DISP1: variants seen among roughly 807,000 people sequenced by gnomAD.
The protein encoded by DISP1 is protein dispatched homolog 1.
In DISP1, 30 loss-of-function variants were observed where a neutral mutation model predicts 37.3. The ratio of observed to expected loss-of-function variants is 0.80; its 90% confidence interval spans 0.60 to 1.09. The LOEUF (loss-of-function observed/expected upper bound fraction) is 1.09, where lower values mean the gene tolerates loss of function less well. DISP1 is among the 50% of genes least tolerant of loss of function. The pLI is 0.00. For missense variants in DISP1, 1,598 were observed against 1,879.5 expected (o/e 0.85, Z 2.77); for synonymous variants, 634 against 690.2 (o/e 0.92, Z 1.28).
At position 223,005,288 on chromosome 1, in the gene DISP1, G is replaced by C; in HGVS notation, c.3891G>C (p.Gln1297His). ...AGATGGGGGACTGCTTGTGCCACCA[G>C]TGCTCTCCTACCACTAGCAGCTTTG... Reference protein sequence around the residue: ...CQQMGDCLCHQCSPTTSSFVQ... With the variant: ...CQQMGDCLCHHCSPTTSSFVQ... The change falls in exon 9 of 9, where the codon CAG (glutamine) becomes CAC (histidine). Residue 1297 changes from glutamine to histidine, a missense_variant. By Grantham distance (24) the Gln-to-His change is conservative. Transcript: ENST00000675850. 1 of 1,613,768 alleles carries C rather than the reference G, an allele frequency of 6.2e-7. No individual in the cohort carries two copies. Among genetic ancestry groups the C allele is most frequent in the Non-Finnish European group, 8.5e-7 (1 of 1,180,030 alleles).
intron 1 of DISP1, among the ~76,000 whole-genome samples, chr1:222,887,795 G>T (rs1181639227): frequency 8.9e-6 from 1 of 111,790 alleles, no homozygotes; most frequent in South Asian, 2.9e-4. Flanking sequence ...ACCGCGCCCG[G>T]CCTGTTTTTG....
At position 223,005,150 on chromosome 1, in the gene DISP1, G is replaced by A; in HGVS notation, c.3753G>A (p.Leu1251=). 2 of 1,614,186 alleles carry A rather than the reference G, an allele frequency of 1.2e-6. No individual in the cohort carries two copies. Among genetic ancestry groups the A allele is most frequent in the Middle Eastern group, 1.6e-4 (1 of 6,062 alleles). The change falls in exon 9 of 9, where the codon TTG becomes TTA. Residue 1251 remains leucine, a synonymous_variant. Transcript: ENST00000675850. ...KSTESDAGSA[L]LQPPLEQHTV... is the part of the protein sequence containing the mutation. ...CTGAAAGTGACGCTGGCTCTGCCTT[G>A]TTACAGCCCCCTCTTGAACAGCATA...
chr1:222,912,184 GA>G (rs1201351575), intron 1 of DISP1, among the ~76,000 whole-genome samples: 1 of 150,590 alleles, frequency 6.6e-6, no homozygotes, highest in South Asian at 2.1e-4. Flanking sequence ...GAGGTTATAA[GA>G]AAAAAAAATA....
In DISP1 at chr1:222,904,979, G is replaced by A. The variant is rs370184719; in HGVS notation, c.-158-23451G>A. 4.7e-4 allele frequency among the ~76,000 whole-genome samples: 72 copies of A among 152,266 alleles called. 3 individuals carry two copies. In the South Asian group the frequency reaches 0.014, roughly 30 times the overall value. On this transcript the variant is annotated intron_variant, in intron 1 of 8. Coordinates refer to ENST00000675850, the MANE Select transcript of DISP1 (RefSeq NM_001377229.1). ...TAAAAACTACTCATGCTGCAAATATGCATGCTGGTAAATACAAATCGGATC... is the reference window on the plus strand; with the variant it reads ...TAAAAACTACTCATGCTGCAAATATACATGCTGGTAAATACAAATCGGATC...
intron 1 of DISP1, among the ~76,000 whole-genome samples, chr1:222,908,037 A>T (rs530154368): frequency 1.1e-3 from 175 of 152,328 alleles, no homozygotes; most frequent in African/African-American, 3.8e-3. Context: ...GAGTTTTTTT[A>T]AAAAATAGAG....
chr1:222,962,995 C>A (rs541277066), intron 3 of DISP1, among the ~76,000 whole-genome samples: 1 of 152,240 alleles, frequency 6.6e-6, no homozygotes, highest in African/African-American at 2.4e-5. Flanking sequence ...AACAGGCAAC[C>A]TACAGAATGG....
At chr1:222,917,857 G>A (rs1481621381) in intron 1 of DISP1, among the ~76,000 whole-genome samples, 1 of 151,938 alleles carries the variant, frequency 6.6e-6, no homozygotes, top group African/African-American at 2.4e-5. Flanking sequence ...GCTCTACAAT[G>A]TTGGTTCAAG....
chr1:222,870,566 T>C (rs1432086720), intron 1 of DISP1, among the ~76,000 whole-genome samples: 3 of 152,210 alleles, frequency 2.0e-5, no homozygotes, highest in African/African-American at 4.8e-5. Context: ...TTTCATGTGT[T>C]TTTTGGCTGC....
At chr1:222,851,290 TC>T (rs934144210) in intron 1 of DISP1, among the ~76,000 whole-genome samples, 2 of 152,124 alleles carry the variant, frequency 1.3e-5, no homozygotes, top group Non-Finnish European at 2.9e-5. Flanking sequence ...GGTCTTGAAC[TC>T]CTGAACTCAA....
chr1:222,849,545 G>A (rs891530328), intron 1 of DISP1, among the ~76,000 whole-genome samples: 4 of 152,056 alleles, frequency 2.6e-5, no homozygotes, highest in Non-Finnish European at 5.9e-5. Flanking sequence ...AAACAGTATT[G>A]TAAAAAATAA....
chr1:222,983,031 T>A lies in DISP1; in HGVS notation c.510-49T>A, dbSNP rs1314693259. The A allele has an allele frequency of 2.1e-6, 3 of 1,429,390 alleles. No homozygotes were observed. In the Admixed American group the frequency reaches 5.5e-5, roughly 26 times the overall value. 88.5% of individuals were successfully genotyped at this position (1,429,390 alleles called of 1,614,324 possible). ...AAGCCTTTGTTTATGTTATGATGTT[T>A]ATGATGCTCTGTTTTTGATCATTTT... On this transcript the variant is annotated intron_variant, in intron 3 of 8. Coordinates refer to ENST00000675850, the MANE Select transcript of DISP1 (RefSeq NM_001377229.1).
intron 1 of DISP1, among the ~76,000 whole-genome samples, chr1:222,861,928 A>C (rs1210021462): frequency 1.4e-5 from 2 of 144,710 alleles, no homozygotes; most frequent in Non-Finnish European, 1.6e-5. Context: ...CTTCATGAAA[A>C]ATGTGTTTTT....
chr1:222,940,104 T>C (rs1003999288), intron 2 of DISP1, among the ~76,000 whole-genome samples: 11 of 149,760 alleles, frequency 7.3e-5, no homozygotes, highest in African/African-American at 7.4e-5. Flanking sequence ...CCAGCCTGGG[T>C]GACAGAGCAA....
At chr1:222,836,756 T>C (rs575216591) in intron 1 of DISP1, among the ~76,000 whole-genome samples, 334 of 148,934 alleles carry the variant, frequency 2.2e-3, no homozygotes, top group African/African-American at 5.2e-3. Flanking sequence ...TATATATATA[T>C]ATATATACAC....
chr1:222,969,370 CAAAAAAA>C (rs71178518), intron 3 of DISP1, among the ~76,000 whole-genome samples: 7 of 29,868 alleles, frequency 2.3e-4, no homozygotes, highest in African/African-American at 7.2e-4. Flanking sequence ...AACTTGGTCT[CAAAAAAA>C]AAAAAAAAAA....
chr1:222,871,817 A>G (rs1433074800), intron 1 of DISP1, among the ~76,000 whole-genome samples: 2 of 152,174 alleles, frequency 1.3e-5, no homozygotes, highest in African/African-American at 4.8e-5. Flanking sequence ...AGAACTTCCA[A>G]CACTATGTTG....
intron 1 of DISP1, among the ~76,000 whole-genome samples, chr1:222,909,299 T>G (rs1387158683): frequency 1.3e-5 from 2 of 152,214 alleles, no homozygotes; most frequent in Non-Finnish European, 2.9e-5. Context: ...GCTCCCTGGT[T>G]GCCTTAAAAT....
Position 222,947,468 on chromosome 1 carries a change from A to G in DISP1, c.509+4136A>G, listed in dbSNP as rs1337191262. On this transcript the variant is annotated intron_variant, in intron 3 of 8. Transcript: ENST00000675850. ...ACATTTTATCAGTTCATTGATGGAC[A>G]CTTCGATCTTTCAGGTATCATGGCT... Among the ~76,000 whole-genome samples, 3 of 152,148 alleles carry G rather than the reference A, an allele frequency of 2.0e-5. No individual in the cohort carries two copies. In the East Asian group the frequency reaches 5.8e-4, roughly 29 times the overall value.
intron 1 of DISP1, among the ~76,000 whole-genome samples, chr1:222,890,904 C>T (rs550105253): frequency 3.9e-5 from 6 of 152,174 alleles, no homozygotes; most frequent in African/African-American, 1.4e-4. Flanking sequence ...GTCCAGATTT[C>T]CTCTTTTTAT....
Sources: allele counts gnomAD v4.1 joint callset (sites outside exome capture counted in the v4.1 genomes callset), GRCh38; gene constraint gnomAD v4.1.1; transcripts MANE v1.5; gene names NCBI Gene and HGNC (gene_info 2026-07-23, HGNC 2026-07-21).